Variants in LRIF1 observed in about 807,000 individuals in gnomAD.
LRIF1 encodes the protein ligand-dependent nuclear receptor-interacting factor 1.
LRIF1 carries 32 observed loss-of-function variants against 52.7 expected under a neutral mutation model. That is an observed-to-expected ratio of 0.61 (90% CI 0.46 to 0.82). The LOEUF (loss-of-function observed/expected upper bound fraction) is 0.82. Ranked by LOEUF, LRIF1 falls within the 40% of genes least tolerant of loss-of-function variation. The pLI, the probability that LRIF1 is intolerant of heterozygous loss-of-function variation, is 0.00. For synonymous variants in LRIF1, 323 were observed against 317.4 expected (o/e 1.02, Z -0.19); for missense variants, 887 against 892.0 (o/e 0.99, Z 0.07).
At chr1:110,894,389 A>G in the LRIF1 span, 93 of 1,613,116 alleles carry the variant, frequency 5.8e-5, no homozygotes, top group Middle Eastern at 3.3e-4. Context: ...TGCTCTTTGT[A>G]TATGAACAGA....
intron 1 of LRIF1, among the ~76,000 whole-genome samples, chr1:110,957,470 C>CAAAAAAAAAAAAAAAAAAAAAAAAAAAAA (rs34396800): frequency 4.7e-5 from 2 of 42,790 alleles, no homozygotes; most frequent in Non-Finnish European, 7.6e-5. Context: ...GACTCAGTCT[C>CAAAAAAAAAAAAAAAAAAAAAAAAAAAAA]AAAAAAAAAA....
At chr1:110,958,631 T>C (rs1413954843) in intron 1 of LRIF1, among the ~76,000 whole-genome samples, 1 of 152,122 alleles carries the variant, frequency 6.6e-6, no homozygotes, top group East Asian at 1.9e-4. Flanking sequence ...GATCACTAAA[T>C]TTTTCCCTCT....
At chr1:110,910,938 G>C in the LRIF1 span, among the ~76,000 whole-genome samples, 4 of 152,152 alleles carry the variant, frequency 2.6e-5, no homozygotes, top group African/African-American at 9.6e-5. Context: ...ATCACACCTA[G>C]AGAAACTGAA....
downstream of LRIF1, chr1:110,944,700 AAT>A (rs1281256007): frequency 1.3e-5 from 2 of 152,190 alleles, no homozygotes; most frequent in Non-Finnish European, 2.9e-5. Flanking sequence ...TCTCTAAATC[AAT>A]GTCATTAAAA....
the LRIF1 span, among the ~76,000 whole-genome samples, chr1:110,879,058 C>T: frequency 1.2e-4 from 18 of 151,890 alleles, no homozygotes; most frequent in East Asian, 3.9e-4. Flanking sequence ...AAATGGCACA[C>T]GAAACCTCTT....
chr1:110,954,453 G>GT (rs1658613210), intron 1 of LRIF1, among the ~76,000 whole-genome samples: 2 of 152,182 alleles, frequency 1.3e-5, no homozygotes, highest in East Asian at 3.9e-4. Flanking sequence ...GCTAATTTTT[G>GT]TATTTTTTAT....
At chr1:110,914,984 A>G in the LRIF1 span, among the ~76,000 whole-genome samples, 1 of 152,166 alleles carries the variant, frequency 6.6e-6, no homozygotes, top group Non-Finnish European at 1.5e-5. Context: ...TATGTGCACC[A>G]AAAGAAAGTA....
At chr1:110,956,116 GA>G (rs1354273632) in intron 1 of LRIF1, among the ~76,000 whole-genome samples, 1 of 152,160 alleles carries the variant, frequency 6.6e-6, no homozygotes, top group Non-Finnish European at 1.5e-5. Context: ...CTAAAAGTAA[GA>G]GCAAAAATAT....
intron 1 of LRIF1, among the ~76,000 whole-genome samples, chr1:110,954,954 G>A (rs1306104678): frequency 6.6e-6 from 1 of 152,182 alleles, no homozygotes; most frequent in Non-Finnish European, 1.5e-5. Flanking sequence ...TTTGTTAGAT[G>A]CTTTCTTCTC....
chr1:110,905,917 T>C, the LRIF1 span, among the ~76,000 whole-genome samples: 2 of 152,236 alleles, frequency 1.3e-5, no homozygotes, highest in African/African-American at 4.8e-5. Flanking sequence ...AGAGGTTTTA[T>C]TAGTTTTCTT....
chr1:110,920,742 T>C, the LRIF1 span, among the ~76,000 whole-genome samples: 1 of 152,162 alleles, frequency 6.6e-6, no homozygotes, highest in Non-Finnish European at 1.5e-5. Context: ...ACCACTATGA[T>C]GGGGGCTGTC....
chr1:110,896,678 C>T, the LRIF1 span: 6 of 1,613,406 alleles, frequency 3.7e-6, no homozygotes, highest in Middle Eastern at 1.7e-4. Flanking sequence ...ATAAATGGCA[C>T]GAGTGATTGG....
chr1:110,911,732 T>C, the LRIF1 span, among the ~76,000 whole-genome samples: 1 of 152,126 alleles, frequency 6.6e-6, no homozygotes, highest in Non-Finnish European at 1.5e-5. Flanking sequence ...ATTCGTCGCA[T>C]AAACAGAACT....
the LRIF1 span, among the ~76,000 whole-genome samples, chr1:110,902,495 T>TAAAAAAAAAAAAAAAAAAAA: frequency 1.7e-4 from 12 of 72,656 alleles, no homozygotes; most frequent in African/African-American, 2.8e-4. Flanking sequence ...AATCAATCAC[T>TAAAAAAAAAAAAAAAAAAAA]AAAAAAAAAA....
At chr1:110,899,156 CT>C in the LRIF1 span, 10 of 1,613,828 alleles carry the variant, frequency 6.2e-6, no homozygotes, top group Non-Finnish European at 8.5e-6. Context: ...TGACCCTGAA[CT>C]GCCAGATTGA....
At chr1:110,962,069 C>CACACACACAA (rs1553212116) in intron 1 of LRIF1, among the ~76,000 whole-genome samples, 5 of 151,040 alleles carry the variant, frequency 3.3e-5, no homozygotes, top group African/African-American at 4.9e-5. Flanking sequence ...GGTACACACA[C>CACACACACAA]ACACACACAC....
the LRIF1 span, among the ~76,000 whole-genome samples, chr1:110,881,075 C>T: frequency 2.0e-5 from 3 of 152,152 alleles, no homozygotes; most frequent in Non-Finnish European, 4.4e-5. Context: ...GGGGGTGTTG[C>T]CATGAGTGTG....
In LRIF1 at chr1:110,963,909, T is replaced by G; in HGVS notation, c.-221A>C. 1 of 425,400 alleles carries G rather than the reference T, an allele frequency of 2.4e-6. No homozygotes were observed. The highest frequency in any genetic ancestry group is 4.4e-6 in the Non-Finnish European group (1 of 224,952). The allele number at this position is 425,400 out of a possible 1,614,324, so 26.4% of individuals were successfully genotyped here. On this transcript the variant is annotated 5_prime_UTR_variant, in exon 1 of 4. Coordinates refer to ENST00000369763, the MANE Select transcript of LRIF1 (RefSeq NM_018372.4). ...CACCGCGCAGAAACCGGAAGGCTCC[T>G]GGCGGTGGACTGCGCCCTCACAGCC...
the LRIF1 span, among the ~76,000 whole-genome samples, chr1:110,881,759 C>T: frequency 6.6e-6 from 1 of 152,214 alleles, no homozygotes; most frequent in African/African-American, 2.4e-5. Context: ...ACTACATCCT[C>T]ACCAACACTT....
Sources: gnomAD v4.1 joint callset for allele counts (sites outside exome capture counted in the v4.1 genomes callset) on GRCh38, gnomAD v4.1.1 for gene constraint, MANE v1.5 for transcripts, NCBI Gene and HGNC (gene_info 2026-07-23, HGNC 2026-07-21) for gene names.